The following UST variants were observed in gnomAD, a reference collection of about 807,000 sequenced individuals.
The protein encoded by UST is chondroitin sulfate 2-O-sulfotransferase.
A neutral mutation model predicts 45.6 loss-of-function variants in UST; 21 were observed. That is an observed-to-expected ratio of 0.46 (90% CI 0.33 to 0.66). UST has a LOEUF of 0.66. UST is among the 30% of genes least tolerant of loss of function. The pLI, the probability that UST is intolerant of heterozygous loss-of-function variation, is 0.02. For synonymous variants in UST, 215 were observed against 200.6 expected (o/e 1.07, Z -0.61); for missense variants, 463 against 512.4 (o/e 0.90, Z 0.93).
intron 2 of UST, among the ~76,000 whole-genome samples, chr6:148,936,001 G>A (rs1780018812): frequency 6.6e-6 from 1 of 152,138 alleles, no homozygotes; most frequent in African/African-American, 2.4e-5. Context: ...ACATAAAAAA[G>A]GAAAGAGGAT....
At chr6:148,936,462 A>G (rs374956023) in intron 2 of UST, among the ~76,000 whole-genome samples, 3 of 152,014 alleles carry the variant, frequency 2.0e-5, no homozygotes, top group East Asian at 3.9e-4. Flanking sequence ...GCACAGCCAG[A>G]GTAAAAGACA....
intron 1 of UST, among the ~76,000 whole-genome samples, chr6:148,770,688 C>G (rs1205243293): frequency 6.6e-6 from 1 of 152,164 alleles, no homozygotes; most frequent in African/African-American, 2.4e-5. Context: ...AAAGTACTTG[C>G]ACCTTTGTTG....
intron 1 of UST, among the ~76,000 whole-genome samples, chr6:148,874,459 A>G (rs1395417201): frequency 6.6e-6 from 1 of 152,226 alleles, no homozygotes; most frequent in East Asian, 1.9e-4. Context: ...TTTCTAAATC[A>G]TAATTGATAG....
At position 148,810,176 on chromosome 6, in the gene UST, T is replaced by C. The variant is rs369165291; in HGVS notation, c.247+62499T>C. On this transcript the variant is annotated intron_variant, in intron 1 of 7. Transcript: ENST00000367463. ...ACTCTGACCACAGTATTGAACATTA[T>C]GGCTGACCATCATGGGGTTAAAAGG... Among the ~76,000 whole-genome samples the C allele has an allele frequency of 6.6e-5, 10 of 152,360 alleles. No individual in the cohort carries two copies. In the East Asian group the frequency reaches 1.9e-3, roughly 29 times the overall value.
At chr6:149,061,768 G>T (rs1342167318) in intron 7 of UST, among the ~76,000 whole-genome samples, 2 of 152,226 alleles carry the variant, frequency 1.3e-5, no homozygotes, top group Admixed American at 1.3e-4. Flanking sequence ...CTTCCACCAG[G>T]AAGTGTTCAA....
intron 2 of UST, among the ~76,000 whole-genome samples, chr6:148,937,963 C>T (rs536321004): frequency 6.6e-5 from 10 of 152,230 alleles, no homozygotes; most frequent in Admixed American, 2.6e-4. Flanking sequence ...CCTTCCTGAT[C>T]ATAACCTTGT....
intron 7 of UST, among the ~76,000 whole-genome samples, chr6:149,055,137 A>G (rs552059338): frequency 1.3e-5 from 2 of 152,320 alleles, no homozygotes; most frequent in East Asian, 3.9e-4. Flanking sequence ...TTGAGAGTAA[A>G]GGTTACTAGA....
chr6:149,021,933 T>C (rs563368737), intron 7 of UST, among the ~76,000 whole-genome samples: 11 of 152,322 alleles, frequency 7.2e-5, no homozygotes, highest in African/African-American at 2.6e-4. Flanking sequence ...TGGCCCAACT[T>C]CCATTTGATA....
At chr6:148,916,630 C>T (rs73778957) in intron 2 of UST, among the ~76,000 whole-genome samples, 2,633 of 152,240 alleles carry the variant, frequency 0.017, 84 homozygotes, top group African/African-American at 0.061. Context: ...TTCTGCCGCT[C>T]CTTCATGTCC....
chr6:148,758,978 G>A (rs555937200), intron 1 of UST, among the ~76,000 whole-genome samples: 4 of 152,310 alleles, frequency 2.6e-5, no homozygotes, highest in East Asian at 1.9e-4. Flanking sequence ...AGAGCCATGC[G>A]GCTGGATGGA....
chr6:149,062,154 C>A (rs1436475952), intron 7 of UST, among the ~76,000 whole-genome samples: 1 of 152,196 alleles, frequency 6.6e-6, no homozygotes, highest in African/African-American at 2.4e-5. Flanking sequence ...TATTTGCAAG[C>A]GTTCTGTCAC....
chr6:148,890,541 A>G (rs1260372439), intron 2 of UST, among the ~76,000 whole-genome samples: 1 of 152,228 alleles, frequency 6.6e-6, no homozygotes, highest in African/African-American at 2.4e-5. Flanking sequence ...AAACCCTGAA[A>G]ATATACTGAC....
At chr6:148,773,944 C>T (rs942690285) in intron 1 of UST, among the ~76,000 whole-genome samples, 2 of 152,216 alleles carry the variant, frequency 1.3e-5, no homozygotes, top group African/African-American at 4.8e-5. Flanking sequence ...GCCCAATTCC[C>T]ACCAGCTTCC....
At chr6:148,924,729 G>A (rs547926415) in intron 2 of UST, among the ~76,000 whole-genome samples, 40 of 152,106 alleles carry the variant, frequency 2.6e-4, no homozygotes, top group African/African-American at 8.2e-4. Context: ...ACTCCCTTTC[G>A]GAGAAGAAAC....
intron 7 of UST, among the ~76,000 whole-genome samples, chr6:149,030,792 G>A (rs1247718760): frequency 6.6e-6 from 1 of 151,890 alleles, no homozygotes; most frequent in Non-Finnish European, 1.5e-5. Flanking sequence ...GCCAGTACGA[G>A]GCAATACACA....
At chr6:148,958,269 C>A (rs1345778607) in intron 4 of UST, among the ~76,000 whole-genome samples, 1 of 151,856 alleles carries the variant, frequency 6.6e-6, no homozygotes, top group Non-Finnish European at 1.5e-5. Flanking sequence ...TTTTATTAAT[C>A]CAGAGATGGG....
At chr6:149,037,977 T>G (rs537190855) in intron 7 of UST, among the ~76,000 whole-genome samples, 1 of 152,154 alleles carries the variant, frequency 6.6e-6, no homozygotes, top group South Asian at 2.1e-4. Context: ...TCCATAGGGT[T>G]TGGCCTTCTT....
At chr6:149,009,587 A>C (rs1775771419) in intron 5 of UST, among the ~76,000 whole-genome samples, 1 of 87,300 alleles carries the variant, frequency 1.1e-5, no homozygotes, top group Non-Finnish European at 2.6e-5. Flanking sequence ...ACACACATAG[A>C]CAGACACACA....
At position 148,766,953 on chromosome 6, in the gene UST, C is replaced by T. The variant is rs1216559305; in HGVS notation, c.247+19276C>T. Among the ~76,000 whole-genome samples, 5 of 152,306 alleles carry T rather than the reference C, an allele frequency of 3.3e-5. 1 individual carries two copies. The East Asian group carries it at 9.6e-4, about 29-fold the overall frequency. ...CTATGACTTATAACACTTTAGCTTA[C>T]AGCTTCTCTACTCTGGCATCTCTCA... is the stretch of plus-strand genomic sequence containing the variant. On this transcript the variant is annotated intron_variant, in intron 1 of 7. Transcript: ENST00000367463.
Sources: allele counts gnomAD v4.1 joint callset (sites outside exome capture counted in the v4.1 genomes callset), GRCh38; gene constraint gnomAD v4.1.1; transcripts MANE v1.5; gene names NCBI Gene and HGNC (gene_info 2026-07-23, HGNC 2026-07-21).